DEPDC4: variants seen among roughly 807,000 people sequenced by gnomAD.
DEPDC4 encodes DEP domain containing 4, also known as DEP domain-containing protein 4.
In DEPDC4, 52 loss-of-function variants were observed where a neutral mutation model predicts 52.0. The observed-to-expected ratio is 1.00, with a 90% CI of 0.80 to 1.26. The LOEUF (loss-of-function observed/expected upper bound fraction) is 1.26, where lower values mean the gene tolerates loss of function less well. Ranked by LOEUF, DEPDC4 falls within the 50% of genes most tolerant of loss-of-function variation. The pLI is 0.00. For missense variants in DEPDC4, 530 were observed against 546.9 expected, an observed-to-expected ratio of 0.97 and a Z score of 0.31; for synonymous variants, 201 against 196.8, an observed-to-expected ratio of 1.02 and a Z score of -0.18.
At chr12:100,261,044 G>A (rs1350146951) in intron 3 of DEPDC4, among the ~76,000 whole-genome samples, 1 of 152,044 alleles carries the variant, frequency 6.6e-6, no homozygotes, top group African/African-American at 2.4e-5. Flanking sequence ...AGCCGGGTGT[G>A]GTGGCGGGCG....
rs1321817161 is a variant in DEPDC4, at chr12:100,241,845, C to A, written c.*47G>T. The A allele has an allele frequency of 2.6e-6, 3 of 1,134,430 alleles. No individual in the cohort carries two copies. The highest frequency in any genetic ancestry group is 7.4e-5 in the East Asian group (1 of 13,584). 70.3% of individuals were successfully genotyped at this position (1,134,430 alleles called of 1,614,324 possible). A position where few individuals can be genotyped will look rare whatever the true frequency, so the allele number is the denominator to read the frequency against. On this transcript the variant is annotated splice_region_variant and 3_prime_UTR_variant, in exon 10 of 10. Transcript: ENST00000550587. ...TGTCAAGGGTTGGCAAAACGTAAAGCCTGGAAAAAAAAAAAAAAAACAAAA... is the reference window on the plus strand; with the variant it reads ...TGTCAAGGGTTGGCAAAACGTAAAGACTGGAAAAAAAAAAAAAAAACAAAA...
chr12:100,261,180 CAAA>C (rs536040088), intron 3 of DEPDC4, among the ~76,000 whole-genome samples: 2 of 68,452 alleles, frequency 2.9e-5, no homozygotes. Context: ...GACTCCGTCT[CAAA>C]AAAAAAAAAA....
chr12:100,243,131 A>G (rs996383029), intron 8 of DEPDC4, among the ~76,000 whole-genome samples: 1 of 152,218 alleles, frequency 6.6e-6, no homozygotes, highest in Non-Finnish European at 1.5e-5. Context: ...ACAATATATT[A>G]GAGTAAAAGT....
intron 3 of DEPDC4, among the ~76,000 whole-genome samples, chr12:100,257,396 TA>T (rs1297422199): frequency 6.7e-6 from 1 of 150,342 alleles, no homozygotes; most frequent in African/African-American, 2.5e-5. Context: ...TTTATTTATT[TA>T]TTTTTTGAGA....
chr12:100,232,412 C>T (rs1282728816), intron 9 of DEPDC4, among the ~76,000 whole-genome samples: 1 of 149,812 alleles, frequency 6.7e-6, no homozygotes, highest in East Asian at 1.9e-4. Flanking sequence ...AAAAAAAAAT[C>T]TTTGTATATG....
chr12:100,260,831 G>A (rs1450259826), intron 3 of DEPDC4, among the ~76,000 whole-genome samples: 2 of 152,012 alleles, frequency 1.3e-5, no homozygotes, highest in African/African-American at 2.4e-5. Flanking sequence ...GGGAGGCAGA[G>A]TTTACAGTGA....
chr12:100,241,980 G>T, intron 9 of DEPDC4, 135 bp from the exon 10 acceptor site: 2 of 388,434 alleles, frequency 5.1e-6, no homozygotes, highest in Non-Finnish European at 7.1e-6. Context: ...TTGTTCCACA[G>T]TTTCTTTCAA....
intron 8 of DEPDC4, among the ~76,000 whole-genome samples, chr12:100,246,783 T>C (rs1360836566): frequency 6.6e-6 from 1 of 151,834 alleles, no homozygotes; most frequent in Admixed American, 6.6e-5. Context: ...CCTAAAAATA[T>C]AAAAATTAGC....
intron 3 of DEPDC4, among the ~76,000 whole-genome samples, chr12:100,257,943 C>T (rs992384207): frequency 7.9e-5 from 12 of 151,830 alleles, no homozygotes; most frequent in Admixed American, 2.6e-4. Flanking sequence ...TGTATAAAAA[C>T]GGGAGATTTC....
upstream of DEPDC4, chr12:100,267,371 A>T (rs1330262814): frequency 3.4e-6 from 1 of 295,758 alleles, no homozygotes; most frequent in Non-Finnish European, 6.3e-6. Context: ...GAGCCCCAGC[A>T]CCGCCCCTCC....
At chr12:100,237,276 C>T (rs1394626525), downstream of DEPDC4, among the ~76,000 whole-genome samples, 16 of 150,438 alleles carry the variant, frequency 1.1e-4, no homozygotes, top group East Asian at 3.9e-4. Flanking sequence ...GGCGTGATCT[C>T]GGCTCACCGC....
chr12:100,238,934 C>G (rs1592862915), downstream of DEPDC4, among the ~76,000 whole-genome samples: 1 of 152,164 alleles, frequency 6.6e-6, no homozygotes, highest in African/African-American at 2.4e-5. Context: ...CCACAGCCCT[C>G]GTGAAAATTT....
At chr12:100,268,732 A>G (rs2096283248), upstream of DEPDC4, among the ~76,000 whole-genome samples, 1 of 152,186 alleles carries the variant, frequency 6.6e-6, no homozygotes, top group African/African-American at 2.4e-5. Flanking sequence ...ACTCATATTC[A>G]CATGTTTGAA....
chr12:100,265,354 G>C (rs1199597887), intron 1 of DEPDC4, among the ~76,000 whole-genome samples: 2 of 152,156 alleles, frequency 1.3e-5, no homozygotes, highest in African/African-American at 4.8e-5. Flanking sequence ...CCAGCACTTT[G>C]GGAGGCTGAG....
At chr12:100,243,023 T>C (rs886665816) in intron 8 of DEPDC4, among the ~76,000 whole-genome samples, 1 of 152,192 alleles carries the variant, frequency 6.6e-6, no homozygotes, top group African/African-American at 2.4e-5. Context: ...GTACTATGTT[T>C]TTTCCTATAT....
At chr12:100,264,357 T>C (rs1439618887) in intron 1 of DEPDC4, among the ~76,000 whole-genome samples, 1 of 152,146 alleles carries the variant, frequency 6.6e-6, no homozygotes, top group Non-Finnish European at 1.5e-5. Flanking sequence ...ATAATCAATT[T>C]TTTTAATTGT....
chr12:100,263,909 T>G lies in DEPDC4; in HGVS notation c.158-16A>C. On this transcript the variant is annotated splice_polypyrimidine_tract_variant and intron_variant, in intron 1 of 9. Transcript: ENST00000550587. ...CCAGAGCATCCTGAAAAAAATTAAA[T>G]ATGCATTTCTAACAAATCTAGATTA... The G allele has an allele frequency of 6.3e-7, 1 of 1,578,874 alleles. No homozygotes were observed. Among genetic ancestry groups the G allele is most frequent in the South Asian group, 1.2e-5 (1 of 85,862 alleles).
upstream of DEPDC4, among the ~76,000 whole-genome samples, chr12:100,271,037 G>A (rs2096287064): frequency 6.6e-6 from 1 of 151,942 alleles, no homozygotes; most frequent in African/African-American, 2.4e-5. Flanking sequence ...CTTTGTAATT[G>A]TAAAGAGAAT....
At chr12:100,239,331 C>T (rs1489372462), downstream of DEPDC4, among the ~76,000 whole-genome samples, 1 of 151,994 alleles carries the variant, frequency 6.6e-6, no homozygotes, top group Non-Finnish European at 1.5e-5. Flanking sequence ...CTGTCTTGGC[C>T]TCTCAAAGTG....
Sources: gnomAD v4.1 joint callset for allele counts (sites outside exome capture counted in the v4.1 genomes callset) on GRCh38, gnomAD v4.1.1 for gene constraint, MANE v1.5 for transcripts, NCBI Gene and HGNC (gene_info 2026-07-23, HGNC 2026-07-21) for gene names.